Variants in PTPRN2 observed in about 807,000 individuals in gnomAD.
PTPRN2 encodes the protein receptor-type tyrosine-protein phosphatase N2.
In PTPRN2, 74 loss-of-function variants were observed where a neutral mutation model predicts 118.8. That is an observed-to-expected ratio of 0.62 (90% confidence interval 0.52 to 0.76). The LOEUF (loss-of-function observed/expected upper bound fraction) is 0.76. Ranked by LOEUF, PTPRN2 falls within the 30% of genes least tolerant of loss-of-function variation. PTPRN2 has a pLI of 0.00. For missense variants in PTPRN2, 1,481 were observed against 1,394.4 expected (o/e 1.06, Z -0.99); for synonymous variants, 641 against 608.0 (o/e 1.05, Z -0.80).
intron 13 of PTPRN2, among the ~76,000 whole-genome samples, chr7:157,668,536 G>A (rs569272925): frequency 6.6e-6 from 1 of 152,296 alleles, no homozygotes; most frequent in African/African-American, 2.4e-5. Flanking sequence ...GGAAAAAGTG[G>A]GTTCACTGGG....
At chr7:158,144,913 C>T (rs1346943096) in intron 6 of PTPRN2, among the ~76,000 whole-genome samples, 4 of 152,338 alleles carry the variant, frequency 2.6e-5, no homozygotes, top group African/African-American at 9.6e-5. Flanking sequence ...AGGAACTGAA[C>T]AGCAAGCCAC....
At chr7:158,139,010 C>T (rs1215005775) in intron 6 of PTPRN2, among the ~76,000 whole-genome samples, 1 of 151,972 alleles carries the variant, frequency 6.6e-6, no homozygotes, top group Non-Finnish European at 1.5e-5. Flanking sequence ...CAGCATGGAC[C>T]AACTCTAATT....
chr7:158,473,134 A>G (rs1483597714), intron 2 of PTPRN2, among the ~76,000 whole-genome samples: 1 of 152,336 alleles, frequency 6.6e-6, no homozygotes, highest in East Asian at 1.9e-4. Context: ...CACAGACATT[A>G]TCCCTCCAAA....
At chr7:158,226,348 A>T (rs1349471617) in intron 3 of PTPRN2, among the ~76,000 whole-genome samples, 1 of 152,228 alleles carries the variant, frequency 6.6e-6, no homozygotes, top group Non-Finnish European at 1.5e-5. Flanking sequence ...GTCAAGGTTA[A>T]CTGCAAGAGA....
At chr7:158,343,985 A>G (rs1258978416) in intron 2 of PTPRN2, among the ~76,000 whole-genome samples, 1 of 152,200 alleles carries the variant, frequency 6.6e-6, no homozygotes, top group Non-Finnish European at 1.5e-5. Context: ...TACACTTCAC[A>G]CTGCCACACC....
At position 158,131,072 on chromosome 7, in the gene PTPRN2, CACTT is replaced by C. The variant is rs932834608; in HGVS notation, c.1556+2601_1556+2604del. On this transcript the variant is annotated intron_variant, in intron 9 of 22. Coordinates refer to ENST00000389418, the MANE Select transcript of PTPRN2 (RefSeq NM_002847.5). Reference sequence around the variant, plus strand: ...CATACAGACACCTGCCCAACACACACACTTATACACACACGCACATACACAGATA... The same window carrying C: ...CATACAGACACCTGCCCAACACACACATACACACACGCACATACACAGATA... 2.2e-3 allele frequency among the ~76,000 whole-genome samples: 190 copies of C among 86,414 alleles called. 1 individual carries two copies. Among genetic ancestry groups the C allele is most frequent in the African/African-American group, 9.3e-3 (165 of 17,782 alleles). The allele number at this position is 86,414 out of a possible 152,430, so 56.7% of individuals were successfully genotyped here. A position where few individuals can be genotyped will look rare whatever the true frequency, so the allele number is the denominator to read the frequency against.
chr7:158,344,146 CG>C (rs1807305788), intron 2 of PTPRN2, among the ~76,000 whole-genome samples: 1 of 152,062 alleles, frequency 6.6e-6, no homozygotes, highest in Non-Finnish European at 1.5e-5. Context: ...CCTTAGAAGC[CG>C]TGACAACGAG....
intron 12 of PTPRN2, among the ~76,000 whole-genome samples, chr7:157,855,468 C>A (rs1809641433): frequency 6.6e-6 from 1 of 152,222 alleles, no homozygotes; most frequent in Non-Finnish European, 1.5e-5. Flanking sequence ...AGTGGTGCCG[C>A]TTCTTGGGGA....
chr7:158,001,775 C>T (rs949538953), intron 11 of PTPRN2, among the ~76,000 whole-genome samples: 2 of 152,214 alleles, frequency 1.3e-5, no homozygotes, highest in African/African-American at 4.8e-5. Flanking sequence ...GGCATGGGCC[C>T]GCTGGCCTTC....
intron 11 of PTPRN2, among the ~76,000 whole-genome samples, chr7:158,071,318 AGTGGAGGTGCCCATGGTG>A (rs1563390468): frequency 2.5e-4 from 6 of 24,082 alleles, no homozygotes; most frequent in Admixed American, 9.8e-4. Flanking sequence ...TGCCCATGGT[AGTGGAGGTGCCCATGGTG>A]GTGGAGGTGC....
chr7:158,029,231 TCCGTATCCTCTCGCCGGGGGCAC>T (rs1807509272), intron 11 of PTPRN2: 1 of 151,052 alleles, frequency 6.6e-6, no homozygotes, highest in Non-Finnish European at 1.5e-5. Context: ...GGGCACGGGG[TCCGTATCCTCTCGCCGGGGGCAC>T]GGGGTCCGTA....
chr7:157,808,209 C>A lies in PTPRN2; in HGVS notation c.1788+90464G>T, dbSNP rs1805753321. Among the ~76,000 whole-genome samples, 1 of 149,514 alleles carries A rather than the reference C, an allele frequency of 6.7e-6. No individual in the cohort carries two copies. The highest frequency in any genetic ancestry group is 2.5e-5 in the African/African-American group (1 of 39,488). ...GGTGGGTGAGTGAGCTGTTGAGTGG[C>A]CGGTGAGTGGTGGGTGAGTGAGCAG... On this transcript the variant is annotated intron_variant, in intron 12 of 22. Coordinates refer to ENST00000389418, the MANE Select transcript of PTPRN2 (RefSeq NM_002847.5). This position sits in a 1 kb window ranked among gnomAD's most constrained non-coding sequence, Gnocchi z 5.0.
intron 2 of PTPRN2, among the ~76,000 whole-genome samples, chr7:158,381,793 T>G (rs941067824): frequency 3.3e-5 from 5 of 152,218 alleles, no homozygotes; most frequent in Non-Finnish European, 1.5e-5. Context: ...TCCACATGGC[T>G]GGGGAGGCCT....
intron 11 of PTPRN2, among the ~76,000 whole-genome samples, chr7:157,940,363 T>A (rs536351427): frequency 1.3e-5 from 2 of 152,166 alleles, no homozygotes; most frequent in African/African-American, 4.8e-5. Context: ...TTATAAACAG[T>A]TGACTCTGTG....
chr7:158,181,766 G>C (rs1824731606), intron 5 of PTPRN2, among the ~76,000 whole-genome samples: 1 of 152,044 alleles, frequency 6.6e-6, no homozygotes, highest in Non-Finnish European at 1.5e-5. Context: ...ATAATCTTTT[G>C]TATTTCTGTG....
At chr7:158,001,771 G>T (rs1471458875) in intron 11 of PTPRN2, among the ~76,000 whole-genome samples, 1 of 152,208 alleles carries the variant, frequency 6.6e-6, no homozygotes, top group East Asian at 1.9e-4. Context: ...AGCAGGCATG[G>T]GCCCGCTGGC....
At chr7:158,161,588 G>A (rs1199223310) in intron 6 of PTPRN2, among the ~76,000 whole-genome samples, 1 of 152,026 alleles carries the variant, frequency 6.6e-6, no homozygotes, top group Non-Finnish European at 1.5e-5. Context: ...ACTCAGAATG[G>A]GTCACAGACC....
chr7:158,040,736 C>CTTTCTTT (rs369421636), intron 11 of PTPRN2, among the ~76,000 whole-genome samples: 2 of 142,206 alleles, frequency 1.4e-5, no homozygotes, highest in African/African-American at 5.2e-5. Flanking sequence ...TTTTTTCTTT[C>CTTTCTTT]TTTTTTTTTT....
intron 19 of PTPRN2, chr7:157,574,247 C>G (rs570763870): frequency 2.5e-6 from 1 of 405,662 alleles, no homozygotes; most frequent in Admixed American, 2.2e-5. Context: ...CGGGCGAGAG[C>G]GCACCGTCAT....
Sources: allele counts gnomAD v4.1 joint callset (sites outside exome capture counted in the v4.1 genomes callset), GRCh38; gene constraint gnomAD v4.1.1; non-coding constraint Gnocchi (gnomAD v3.1); transcripts MANE v1.5; gene names NCBI Gene and HGNC (gene_info 2026-07-23, HGNC 2026-07-21).